The following MUCL1 variants were observed in gnomAD, a reference collection of about 807,000 sequenced individuals.
MUCL1 encodes the protein mucin like 1.
A neutral mutation model predicts 9.2 loss-of-function variants in MUCL1; 11 were observed. The ratio of observed to expected loss-of-function variants is 1.19; its 90% CI spans 0.75 to 1.97. The LOEUF (loss-of-function observed/expected upper bound fraction) is 1.97, where lower values mean the gene tolerates loss of function less well. Among genes scored for constraint, MUCL1 ranks in the 30% most tolerant of loss-of-function variants. MUCL1 has a pLI of 0.00. For synonymous variants in MUCL1, 48 were observed against 40.5 expected, an observed-to-expected ratio of 1.19 and a Z score of -0.71; for missense variants, 144 against 110.9, an observed-to-expected ratio of 1.30 and a Z score of -1.34.
chr12:54,856,922 C>T (rs761952536), intron 3 of MUCL1, 30 bp downstream of exon 3: 26 of 1,613,046 alleles, frequency 1.6e-5, no homozygotes, highest in Non-Finnish European at 2.1e-5. Context: ...TGTGTGCTTC[C>T]TTTATGTGGC....
chr12:54,839,140 A>C (rs9788018), upstream of MUCL1, among the ~76,000 whole-genome samples: 1 of 151,640 alleles, frequency 6.6e-6, no homozygotes, highest in East Asian at 1.9e-4. Context: ...TTATCATTAT[A>C]GTTTATTAGA....
chr12:54,838,254 A>T (rs1445901276), upstream of MUCL1, among the ~76,000 whole-genome samples: 1 of 152,218 alleles, frequency 6.6e-6, no homozygotes, highest in African/African-American at 2.4e-5. Flanking sequence ...TAGAGATAGG[A>T]CCCTAATCCT....
upstream of MUCL1, chr12:54,839,271 G>T: frequency 1.5e-6 from 1 of 671,778 alleles, no homozygotes; most frequent in Non-Finnish European, 2.7e-6. Context: ...CTTGGTGTGT[G>T]AGCAGGTGGG....
chr12:54,838,875 A>G (rs933434663), upstream of MUCL1, among the ~76,000 whole-genome samples: 1 of 151,430 alleles, frequency 6.6e-6, no homozygotes, highest in African/African-American at 2.4e-5. Context: ...TTCTCTTGTA[A>G]CTCCTTGAGT....
chr12:54,837,661 C>T (rs1044064091), upstream of MUCL1, among the ~76,000 whole-genome samples: 14 of 152,012 alleles, frequency 9.2e-5, no homozygotes, highest in East Asian at 3.9e-4. Flanking sequence ...CCCAGCTACT[C>T]GGGAGGCTGA....
At chr12:54,839,459 C>T (rs763974622) in intron 1 of MUCL1, 66 of 701,644 alleles carry the variant, frequency 9.4e-5, no homozygotes, top group East Asian at 3.5e-4. Context: ...TGGGTAAATG[C>T]GACATCCAAT....
At chr12:54,835,808 T>A (rs1023564987), upstream of MUCL1, among the ~76,000 whole-genome samples, 10 of 152,172 alleles carry the variant, frequency 6.6e-5, no homozygotes, top group Non-Finnish European at 1.3e-4. Context: ...TTTGATTGAA[T>A]GCTTTTTCTG....
upstream of MUCL1, among the ~76,000 whole-genome samples, chr12:54,839,213 G>A (rs369661481): frequency 2.0e-5 from 3 of 152,158 alleles, no homozygotes; most frequent in Non-Finnish European, 4.4e-5. Context: ...TGGTTATAGA[G>A]AGTCTTTGTA....
chr12:54,854,729 A>G (rs1217313101), intron 1 of MUCL1, 89 bp downstream of exon 1: 4 of 1,255,460 alleles, frequency 3.2e-6, no homozygotes, highest in Non-Finnish European at 4.6e-6. Context: ...GTTGCTTAGA[A>G]TGTGCTTTTT....
At chr12:54,857,334 C>T (rs1868308631) in intron 3 of MUCL1, among the ~76,000 whole-genome samples, 2 of 147,742 alleles carry the variant, frequency 1.4e-5, no homozygotes, top group East Asian at 2.0e-4. Flanking sequence ...GAGAATTTTC[C>T]CAAAATAGAA....
chr12:54,852,327 G>T (rs1159264294), upstream of MUCL1, among the ~76,000 whole-genome samples: 1 of 152,172 alleles, frequency 6.6e-6, no homozygotes, highest in Non-Finnish European at 1.5e-5. Context: ...CAATGGAACA[G>T]AACAGAGCCC....
At chr12:54,856,118 T>A (rs1868297427) in intron 2 of MUCL1, among the ~76,000 whole-genome samples, 1 of 152,194 alleles carries the variant, frequency 6.6e-6, no homozygotes, top group African/African-American at 2.4e-5. Context: ...ATGGGGAATT[T>A]TTTTACTATC....
chr12:54,846,479 T>C (rs1018265809), intron 1 of MUCL1, among the ~76,000 whole-genome samples: 3 of 152,174 alleles, frequency 2.0e-5, no homozygotes, highest in African/African-American at 7.2e-5. Flanking sequence ...TTTCACTTCA[T>C]GGGAGAGTAT....
chr12:54,835,964 G>A (rs1959192535), upstream of MUCL1, among the ~76,000 whole-genome samples: 2 of 152,154 alleles, frequency 1.3e-5, no homozygotes, highest in Admixed American at 1.3e-4. Flanking sequence ...TTTTTGACGA[G>A]CTGTTGGATT....
upstream of MUCL1, among the ~76,000 whole-genome samples, chr12:54,836,359 T>C (rs1314574246): frequency 6.6e-6 from 1 of 152,208 alleles, no homozygotes; most frequent in Non-Finnish European, 1.5e-5. Flanking sequence ...TCATTTCCTC[T>C]AGATTTTCTA....
chr12:54,844,017 A>G (rs548569773), intron 1 of MUCL1, among the ~76,000 whole-genome samples: 1 of 152,256 alleles, frequency 6.6e-6, no homozygotes, highest in South Asian at 2.1e-4. Flanking sequence ...AGATTTGGTA[A>G]TTTATTGTTT....
chr12:54,850,805 A>G (rs1489895733), upstream of MUCL1, among the ~76,000 whole-genome samples: 3 of 152,138 alleles, frequency 2.0e-5, no homozygotes, highest in East Asian at 1.9e-4. Context: ...ATTTCTCCAC[A>G]TCCTCTCCAG....
At chr12:54,845,192 G>A (rs916128551) in intron 1 of MUCL1, among the ~76,000 whole-genome samples, 4 of 76,484 alleles carry the variant, frequency 5.2e-5, no homozygotes, top group African/African-American at 1.9e-4. Context: ...ACACAATGGA[G>A]ATGGTTCATC....
chr12:54,854,587 A>G lies in MUCL1; in HGVS notation c.5A>G (p.Lys2Arg). 2 of 1,613,260 alleles carry G rather than the reference A, an allele frequency of 1.2e-6. No individual in the cohort carries two copies. Among genetic ancestry groups the G allele is most frequent in the Non-Finnish European group, 1.7e-6 (2 of 1,179,508 alleles). Residue 2 changes from lysine to arginine, a missense_variant, in exon 1 of 4, where the codon AAG becomes AGG. Transcript: ENST00000308796. Reference protein sequence around the residue: MKFLAVLVLLGV... With the variant: MRFLAVLVLLGV... ...CCTGATCTTCAGGTCACCACCATGA[A>G]GTTCTTAGCAGTCCTGGTACTCTTG... is the stretch of plus-strand genomic sequence containing the variant.
Sources: gnomAD v4.1 joint callset for allele counts (sites outside exome capture counted in the v4.1 genomes callset) on GRCh38, gnomAD v4.1.1 for gene constraint, MANE v1.5 for transcripts, NCBI Gene and HGNC (gene_info 2026-07-23, HGNC 2026-07-21) for gene names.